BRINP1: variants seen among roughly 807,000 people sequenced by gnomAD.
The protein encoded by BRINP1 is BMP/retinoic acid inducible neural specific 1.
Under a neutral mutation model 72.9 loss-of-function variants are expected in BRINP1, and 17 were observed. The ratio of observed to expected loss-of-function variants is 0.23; its 90% confidence interval spans 0.16 to 0.35. BRINP1 has a LOEUF of 0.35. Ranked by LOEUF, BRINP1 falls within the 10% of genes least tolerant of loss-of-function variation. The pLI is 1.00. For missense variants in BRINP1, 850 were observed against 1,001.6 expected (o/e 0.85, Z 2.04); for synonymous variants, 418 against 378.5 (o/e 1.10, Z -1.21).
At position 119,167,482 on chromosome 9, in the gene BRINP1, G is replaced by A. The variant is rs764781191; in HGVS notation, c.1888C>T (p.Arg630Ter). 1 of 1,614,124 alleles carries A rather than the reference G, an allele frequency of 6.2e-7. No individual in the cohort carries two copies. The highest frequency in any genetic ancestry group is 8.5e-7 in the Non-Finnish European group (1 of 1,180,018). The change falls in exon 8 of 8, where the codon CGA (arginine) becomes TGA (stop). Residue 630 changes from arginine (R) to a stop codon, truncating the protein, a stop_gained. Transcript: ENST00000265922. LOFTEE classifies it high-confidence loss of function. This position sits in a 1 kb window ranked among gnomAD's most constrained non-coding sequence, Gnocchi z 4.3. The part of the protein sequence containing the change: ...RSRTRLPTLL[R>*]NETGQGPVDL... ...ACGGGGCCCTGGCCAGTCTCATTTC[G>A]CAGTAGGGTAGGTAGCCGAGTCCGA...
At chr9:119,235,134 C>T (rs116934680) in intron 5 of BRINP1, among the ~76,000 whole-genome samples, 83 of 152,202 alleles carry the variant, frequency 5.5e-4, no homozygotes, top group Non-Finnish European at 1.1e-3. Context: ...ATGTCACCAA[C>T]CTCTAATCCA....
intron 2 of BRINP1, among the ~76,000 whole-genome samples, chr9:119,300,508 C>T (rs1830928592): frequency 1.3e-5 from 2 of 152,054 alleles, no homozygotes; most frequent in Non-Finnish European, 2.9e-5. Context: ...ACTATGTACA[C>T]ACAAGAATTA....
chr9:119,274,175 G>T (rs2118954548), intron 2 of BRINP1, among the ~76,000 whole-genome samples: 1 of 152,296 alleles, frequency 6.6e-6, no homozygotes, highest in East Asian at 1.9e-4. Context: ...AACCTTTGGT[G>T]TTCTCCTCTC....
chr9:119,314,621 T>TC (rs1831107329), intron 1 of BRINP1, among the ~76,000 whole-genome samples: 1 of 152,258 alleles, frequency 6.6e-6, no homozygotes, highest in South Asian at 2.1e-4. Flanking sequence ...TCCTTGTCAG[T>TC]CTACTTACTC....
intron 7 of BRINP1, among the ~76,000 whole-genome samples, chr9:119,188,258 G>A (rs1829645399): frequency 6.6e-6 from 1 of 151,944 alleles, no homozygotes. Context: ...TCCTCCACAA[G>A]GCACATTATA....
rs1829676496 is a variant in BRINP1, at chr9:119,190,848, AAAAAG to A, written c.1145+17866_1145+17870del. On this transcript the variant is annotated intron_variant, in intron 7 of 7. Coordinates refer to ENST00000265922, the MANE Select transcript of BRINP1 (RefSeq NM_014618.3). ...TCTAAGCCAGACAAAGACACTGCAA[AAAAAG>A]AAAACTACAGGCCAATGTCTTTAAT... Among the ~76,000 whole-genome samples, 6 of 152,172 alleles carry A rather than the reference AAAAAG, an allele frequency of 3.9e-5. No individual in the cohort carries two copies. In the South Asian group the frequency reaches 1.0e-3, roughly 26 times the overall value.
At chr9:119,178,915 A>G (rs1387999952) in intron 7 of BRINP1, among the ~76,000 whole-genome samples, 3 of 152,202 alleles carry the variant, frequency 2.0e-5, no homozygotes, top group African/African-American at 7.2e-5. Flanking sequence ...AAAAATACTG[A>G]AAGTTTGAGC....
rs553562268 is a variant in BRINP1, at chr9:119,174,861, G to A, written c.1146-6637C>T. 8.5e-3 allele frequency among the ~76,000 whole-genome samples: 1,272 copies of A among 149,626 alleles called. 20 individuals carry two copies. The highest frequency in any genetic ancestry group is 0.029 in the African/African-American group (1,176 of 40,312). ...AAATCATCATTCTCAGTCAACTATC[G>A]CAAGAACAAAAAACCAAACACCGCA... On this transcript the variant is annotated intron_variant, in intron 7 of 7. Transcript: ENST00000265922.
intron 7 of BRINP1, among the ~76,000 whole-genome samples, chr9:119,176,228 T>TTGTC (rs1170009425): frequency 3.9e-5 from 6 of 152,114 alleles, no homozygotes; most frequent in Admixed American, 3.9e-4. Flanking sequence ...GCTTTTTGCA[T>TTGTC]TGTCTGTCAA....
intron 2 of BRINP1, among the ~76,000 whole-genome samples, chr9:119,305,615 A>G (rs1174422782): frequency 6.6e-6 from 1 of 152,092 alleles, no homozygotes; most frequent in African/African-American, 2.4e-5. Context: ...CTTGAAGCCT[A>G]TGTTCAACAC....
chr9:119,342,925 A>C (rs2119025236), intron 1 of BRINP1, among the ~76,000 whole-genome samples: 1 of 152,276 alleles, frequency 6.6e-6, no homozygotes, highest in South Asian at 2.1e-4. Context: ...ATATTAAAGA[A>C]CTGTTCAACC....
At chr9:119,283,278 T>C (rs1022301619) in intron 2 of BRINP1, 1 of 731,352 alleles carries the variant, frequency 1.4e-6, no homozygotes, top group Non-Finnish European at 1.7e-6. Flanking sequence ...TTGTTAGAAA[T>C]GCAAAATCTC....
intron 1 of BRINP1, among the ~76,000 whole-genome samples, chr9:119,317,072 A>C (rs1397230935): frequency 1.3e-5 from 2 of 151,990 alleles, no homozygotes; most frequent in Non-Finnish European, 2.9e-5. Flanking sequence ...GCCTGGTGAC[A>C]GAGTGACATT....
chr9:119,327,457 G>A (rs1449325904), intron 1 of BRINP1, among the ~76,000 whole-genome samples: 1 of 152,160 alleles, frequency 6.6e-6, no homozygotes, highest in East Asian at 1.9e-4. Flanking sequence ...TGTACAAATT[G>A]AGAGCTAGGA....
chr9:119,246,305 C>T (rs1348986396), intron 3 of BRINP1, among the ~76,000 whole-genome samples: 6 of 152,186 alleles, frequency 3.9e-5, no homozygotes, highest in African/African-American at 7.2e-5. Flanking sequence ...AAGGCAGACC[C>T]ACCCATCATC....
chr9:119,263,780 T>C (rs1239622023), intron 2 of BRINP1, among the ~76,000 whole-genome samples: 1 of 151,886 alleles, frequency 6.6e-6, no homozygotes, highest in African/African-American at 2.4e-5. Context: ...GCTAATTTTT[T>C]TGTATTTTTA....
chr9:119,212,617 A>C (rs906403319), intron 6 of BRINP1, among the ~76,000 whole-genome samples: 3 of 152,220 alleles, frequency 2.0e-5, no homozygotes, highest in Admixed American at 1.3e-4. Flanking sequence ...AAATGTTAGT[A>C]CTTCCTTTAA....
At chr9:119,275,182 G>A (rs969669432) in intron 2 of BRINP1, among the ~76,000 whole-genome samples, 1 of 152,036 alleles carries the variant, frequency 6.6e-6, no homozygotes, top group Non-Finnish European at 1.5e-5. Context: ...AAGAGAAAAT[G>A]TATCTATTTT....
At chr9:119,240,810 G>A (rs1676204433) in intron 4 of BRINP1, among the ~76,000 whole-genome samples, 1 of 152,152 alleles carries the variant, frequency 6.6e-6, no homozygotes, top group Non-Finnish European at 1.5e-5. Flanking sequence ...GGCAGGGTAA[G>A]ACCCCTTGGC....
Sources: gnomAD v4.1 joint callset for allele counts (sites outside exome capture counted in the v4.1 genomes callset) on GRCh38, gnomAD v4.1.1 for gene constraint, Gnocchi (gnomAD v3.1) non-coding constraint, MANE v1.5 for transcripts, NCBI Gene and HGNC (gene_info 2026-07-23, HGNC 2026-07-21) for gene names.